OR4S2: variants seen among roughly 807,000 people sequenced by gnomAD.
OR4S2 encodes the protein olfactory receptor family 4 subfamily S member 2, also known as olfactory receptor 4S2.
In OR4S2, 16 loss-of-function variants were observed where a neutral mutation model predicts 15.1. The observed-to-expected ratio is 1.06, with a 90% CI of 0.72 to 1.61. The LOEUF (loss-of-function observed/expected upper bound fraction) is 1.61. OR4S2 is among the 40% of genes most tolerant of loss of function. The probability of loss-of-function intolerance (pLI) is 0.00; values close to 1 mark genes in which losing one functional copy is unlikely to be tolerated. For synonymous variants in OR4S2, 133 were observed against 136.3 expected, an observed-to-expected ratio of 0.98 and a Z score of 0.17; for missense variants, 362 against 379.6, an observed-to-expected ratio of 0.95 and a Z score of 0.38.
rs137898243 is a variant in OR4S2, at chr11:55,651,024, C to T, written c.121C>T (p.Leu41Phe). Residue 41 changes from leucine (L) to phenylalanine (F), a missense_variant, in exon 2 of 2, where the codon CTC (leucine) becomes TTC (phenylalanine). Leu to Phe is a conservative substitution (Grantham distance 22). Transcript: ENST00000641692. Reference protein sequence around the residue: ...FFYIIILLGNLLIMLTVCLSN... With the variant: ...FFYIIILLGNFLIMLTVCLSN... Reference sequence around the variant, plus strand: ...CTACATAATCATTCTTCTGGGAAATCTCCTCATCATGCTGACAGTTTGCCT... The same window carrying T: ...CTACATAATCATTCTTCTGGGAAATTTCCTCATCATGCTGACAGTTTGCCT... The T allele has an allele frequency of 4.1e-6, 6 of 1,462,868 alleles. No individual in the cohort carries two copies. The African/African-American group carries it at 8.3e-5, about 20-fold the overall frequency. The allele number at this position is 1,462,868 out of a possible 1,614,324, so 90.6% of individuals were successfully genotyped here. A position where few individuals can be genotyped will look rare whatever the true frequency, so the allele number is the denominator to read the frequency against.
Position 55,652,078 on chromosome 11 carries a change from G to T in OR4S2, c.*239G>T. ...TATTATTAAACTTAGAATCACAAAA[G>T]TGCAGAAGAGCAATTCCTCTTGGCT... On this transcript the variant is annotated 3_prime_UTR_variant, in exon 2 of 2. Coordinates refer to ENST00000641692, the MANE Select transcript of OR4S2 (RefSeq NM_001004059.3). 1 of 248,680 alleles carries T rather than the reference G, an allele frequency of 4.0e-6. No homozygotes were observed. The highest frequency in any genetic ancestry group is 7.5e-6 in the Non-Finnish European group (1 of 133,918). The allele number at this position is 248,680 out of a possible 1,614,324, so 15.4% of individuals were successfully genotyped here. A position where few individuals can be genotyped will look rare whatever the true frequency, so the allele number is the denominator to read the frequency against.
rs1374487161 is a variant in OR4S2 at position 55,650,985 on chromosome 11, G to A, written c.82G>A (p.Val28Met). 5.5e-6 allele frequency: 8 copies of A among 1,462,434 alleles called. 2 individuals carry two copies. The highest frequency in any genetic ancestry group is 4.0e-5 in the Admixed American group (2 of 50,012). The allele number at this position is 1,462,434 out of a possible 1,614,324, so 90.6% of individuals were successfully genotyped here. Residue 28 changes from valine to methionine, a missense_variant, in exon 2 of 2, where the codon GTG becomes ATG. Physicochemically the swap from Val to Met is conservative, Grantham distance 21 (BLOSUM62 1). Coordinates refer to ENST00000641692, the MANE Select transcript of OR4S2 (RefSeq NM_001004059.3). ...AGAGATTGAGAAAGTTTGTTTTGTGGTGTTTTCTTTCTTCTACATAATCAT... is the reference window on the plus strand; with the variant it reads ...AGAGATTGAGAAAGTTTGTTTTGTGATGTTTTCTTTCTTCTACATAATCAT... ...SPEIEKVCFV[V>M]FSFFYIIILL...
In OR4S2 at chr11:55,652,202, A is replaced by T. The variant is rs1858578708; in HGVS notation, c.*363A>T. On this transcript the variant is annotated 3_prime_UTR_variant, in exon 2 of 2. Coordinates refer to ENST00000641692, the MANE Select transcript of OR4S2 (RefSeq NM_001004059.3). ...CTCACCATATGTATAAAGTGGAGGA[A>T]ATAAATTTTAAAAAATTTAGAATTT... is the stretch of plus-strand genomic sequence containing the variant. 1 of 145,562 alleles carries T rather than the reference A, an allele frequency of 6.9e-6. No individual in the cohort carries two copies. Among genetic ancestry groups the T allele is most frequent in the African/African-American group, 2.5e-5 (1 of 40,178 alleles). The allele number at this position is 145,562 out of a possible 1,614,324, so 9.0% of individuals were successfully genotyped here.
Sources: allele counts gnomAD v4.1 joint callset, GRCh38; gene constraint gnomAD v4.1.1; transcripts MANE v1.5; gene names NCBI Gene and HGNC (gene_info 2026-07-23, HGNC 2026-07-21).